The following ACAP2 variants were observed in gnomAD, a reference collection of about 807,000 sequenced individuals.
The protein encoded by ACAP2 is ArfGAP with coiled-coil, ankyrin repeat and PH domains 2, also known as arf-GAP with coiled-coil, ANK repeat and PH domain-containing protein 2.
In ACAP2, 39 loss-of-function variants were observed where a neutral mutation model predicts 115.8. The ratio of observed to expected loss-of-function variants is 0.34; its 90% CI spans 0.26 to 0.44. The LOEUF is 0.44. ACAP2 is among the 20% of genes least tolerant of loss of function. ACAP2 has a pLI of 1.00. For missense variants in ACAP2, 662 were observed against 927.6 expected (o/e 0.71, Z 3.72); for synonymous variants, 289 against 315.8 (o/e 0.92, Z 0.90).
intron 2 of ACAP2, among the ~76,000 whole-genome samples, chr3:195,389,855 C>T (rs1344183249): frequency 1.3e-5 from 2 of 152,300 alleles, no homozygotes; most frequent in South Asian, 2.1e-4. Flanking sequence ...TCCCCCAACG[C>T]GGATCCTGAA....
At chr3:195,342,815 G>A (rs1418908656) in intron 5 of ACAP2, 161 bp from the exon 6 acceptor site, 7 of 482,168 alleles carry the variant, frequency 1.5e-5, no homozygotes, top group Non-Finnish European at 2.5e-5. Flanking sequence ...CCAACATGGT[G>A]AAACCCCATC....
chr3:195,323,032 G>A (rs960835488), intron 9 of ACAP2, among the ~76,000 whole-genome samples: 1 of 152,146 alleles, frequency 6.6e-6, no homozygotes, highest in African/African-American at 2.4e-5. Context: ...AGTGAAAACT[G>A]GAATTCAAAG....
intron 17 of ACAP2, chr3:195,295,056 G>T: frequency 2.4e-6 from 1 of 424,628 alleles, no homozygotes; most frequent in Non-Finnish European, 4.2e-6. Context: ...TAATATGTCA[G>T]GGGTAGTAAA....
Position 195,424,951 on chromosome 3 carries a change from A to T in ACAP2, c.53+17844T>A, listed in dbSNP as rs1337787324. ...AAAAAAAAAAAAAAAAAAAGGTTTT[A>T]AGAGTTGATTGCTTGCAGTGAGCTG... On this transcript the variant is annotated intron_variant, in intron 1 of 22. Coordinates refer to ENST00000326793, the MANE Select transcript of ACAP2 (RefSeq NM_012287.6). 3.0e-5 allele frequency among the ~76,000 whole-genome samples: 4 copies of T among 131,392 alleles called. No individual in the cohort carries two copies. In the East Asian group the frequency reaches 1.1e-3, roughly 35 times the overall value. 86.2% of individuals were successfully genotyped at this position (131,392 alleles called of 152,430 possible).
intron 15 of ACAP2, among the ~76,000 whole-genome samples, chr3:195,301,149 G>A (rs535830896): frequency 2.6e-5 from 4 of 151,470 alleles, no homozygotes; most frequent in Admixed American, 1.3e-4. Flanking sequence ...GCAGTGGCGC[G>A]ATCTCGGCTC....
chr3:195,355,688 T>G (rs1731915611), intron 4 of ACAP2, among the ~76,000 whole-genome samples: 1 of 152,234 alleles, frequency 6.6e-6, no homozygotes, highest in African/African-American at 2.4e-5. Flanking sequence ...CAGCACTATC[T>G]CTGCTCTCTT....
At position 195,320,765 on chromosome 3, in the gene ACAP2, T is replaced by C. The variant is rs746169741; in HGVS notation, c.793A>G (p.Asn265Asp). ...AGATATCCTTCCATAACTATGCCAT[T>C]TGCAGCATCTACGTTATATTCTAAC... ...SKLEYNVDAA[N>D]GIVMEGYLFK... is the part of the protein sequence containing the mutation. Residue 265 changes from asparagine to aspartate, a missense_variant, in exon 10 of 23, where the codon AAT becomes GAT. Asn to Asp is a conservative substitution (Grantham distance 23, BLOSUM62 1). Around this residue, in one of 3 missense-constraint regions of ACAP2, gnomAD observed 401 missense variants for 604.4 expected, o/e 0.66. Transcript: ENST00000326793. 1.9e-6 allele frequency: 3 copies of C among 1,613,648 alleles called. No homozygotes were observed. The highest frequency in any genetic ancestry group is 1.1e-5 in the South Asian group (1 of 91,064).
At chr3:195,442,594 G>T (rs1368220197) in intron 1 of ACAP2, among the ~76,000 whole-genome samples, 1 of 152,114 alleles carries the variant, frequency 6.6e-6, no homozygotes, top group Non-Finnish European at 1.5e-5. Context: ...CGACGTCCCC[G>T]TCCCCGCCAC....
chr3:195,371,122 G>T (rs1733108319), intron 4 of ACAP2, among the ~76,000 whole-genome samples: 2 of 152,044 alleles, frequency 1.3e-5, no homozygotes, highest in Admixed American at 6.6e-5. Context: ...AGTTTGATGG[G>T]AATAGCACTG....
At chr3:195,438,053 TCTCA>T (rs1160083493) in intron 1 of ACAP2, among the ~76,000 whole-genome samples, 4 of 140,956 alleles carry the variant, frequency 2.8e-5, no homozygotes, top group Non-Finnish European at 6.1e-5. Flanking sequence ...TGAGATGGAG[TCTCA>T]CTCTGTCCCC....
At chr3:195,327,126 A>G (rs1729848672) in intron 8 of ACAP2, among the ~76,000 whole-genome samples, 167 bp from the exon 9 acceptor site, 1 of 152,206 alleles carries the variant, frequency 6.6e-6, no homozygotes, top group African/African-American at 2.4e-5. Context: ...TTTTTCTGCT[A>G]TCAAGTTCTC....
At chr3:195,392,573 C>T (rs954716466) in intron 1 of ACAP2, among the ~76,000 whole-genome samples, 3 of 152,188 alleles carry the variant, frequency 2.0e-5, no homozygotes, top group Non-Finnish European at 2.9e-5. Context: ...CAGAACAATA[C>T]CACCCTTGTT....
intron 10 of ACAP2, among the ~76,000 whole-genome samples, chr3:195,315,063 G>C (rs1019221717): frequency 2.0e-5 from 3 of 152,192 alleles, no homozygotes; most frequent in Non-Finnish European, 2.9e-5. Flanking sequence ...ACCCAGGCTG[G>C]AGTGCAGACG....
At chr3:195,365,360 T>C (rs1022731345) in intron 4 of ACAP2, among the ~76,000 whole-genome samples, 2 of 152,170 alleles carry the variant, frequency 1.3e-5, no homozygotes, top group African/African-American at 4.8e-5. Context: ...TATCAAAATA[T>C]CCCATATCAC....
intron 4 of ACAP2, among the ~76,000 whole-genome samples, chr3:195,345,699 G>T (rs1330799406): frequency 6.6e-6 from 1 of 152,148 alleles, no homozygotes; most frequent in African/African-American, 2.4e-5. Flanking sequence ...CATACCAAAT[G>T]AAAACAGCTC....
intron 22 of ACAP2, among the ~76,000 whole-genome samples, chr3:195,284,255 C>A (rs767875909): frequency 6.6e-6 from 1 of 152,198 alleles, no homozygotes; most frequent in African/African-American, 2.4e-5. Context: ...AATATCAGGT[C>A]ATATTCTTTA....
In ACAP2 at chr3:195,275,326, A is replaced by G. The variant is rs140633884; in HGVS notation, c.*4002T>C. Reference sequence around the variant, plus strand: ...TATGTAAACAGAAAAAGATGTCCACAAAACCATATCTGTAGATGTCATTTG... The same window carrying G: ...TATGTAAACAGAAAAAGATGTCCACGAAACCATATCTGTAGATGTCATTTG... On this transcript the variant is annotated 3_prime_UTR_variant, in exon 23 of 23. Coordinates refer to ENST00000326793, the MANE Select transcript of ACAP2 (RefSeq NM_012287.6). 6.6e-6 allele frequency: 1 copy of G among 152,388 alleles called. No individual in the cohort carries two copies. Among genetic ancestry groups the G allele is most frequent in the African/African-American group, 2.4e-5 (1 of 41,604 alleles). The allele number at this position is 152,388 out of a possible 1,614,324, so 9.4% of individuals were successfully genotyped here. A position where few individuals can be genotyped will look rare whatever the true frequency, so the allele number is the denominator to read the frequency against.
At chr3:195,332,904 C>T (rs1577315043) in intron 8 of ACAP2, 124 bp downstream of exon 8, 1 of 597,728 alleles carries the variant, frequency 1.7e-6, no homozygotes. Context: ...CTAGATTACC[C>T]AGTCTCAGGC....
rs1200943824 is a variant in ACAP2 at position 195,277,270 on chromosome 3, T to C, written c.*2058A>G. 2.0e-5 allele frequency: 3 copies of C among 152,358 alleles called. No homozygotes were observed. Among genetic ancestry groups the C allele is most frequent in the African/African-American group, 7.2e-5 (3 of 41,588 alleles). The allele number at this position is 152,358 out of a possible 1,614,324, so 9.4% of individuals were successfully genotyped here. ...AACGTACTTCTTTTCTTTGAGCTTC[T>C]TGGTCAAATAATTTCAAGGTACATG... On this transcript the variant is annotated 3_prime_UTR_variant, in exon 23 of 23. Transcript: ENST00000326793.
Sources: gnomAD v4.1 joint callset for allele counts (sites outside exome capture counted in the v4.1 genomes callset) on GRCh38, gnomAD v4.1.1 for gene constraint, gnomAD v4.1.1 regional missense constraint, MANE v1.5 for transcripts, NCBI Gene and HGNC (gene_info 2026-07-23, HGNC 2026-07-21) for gene names.